SLC24A2: variants seen among roughly 807,000 people sequenced by gnomAD.
SLC24A2 encodes sodium/potassium/calcium exchanger 2.
In SLC24A2, 36 loss-of-function variants were observed where a neutral mutation model predicts 62.0. The ratio of observed to expected loss-of-function variants is 0.58; its 90% CI spans 0.44 to 0.77. The LOEUF is 0.77. Ranked by LOEUF, SLC24A2 falls within the 30% of genes least tolerant of loss-of-function variation. SLC24A2 has a pLI of 0.00. For missense variants in SLC24A2, 846 were observed against 817.9 expected, an observed-to-expected ratio of 1.03 and a Z score of -0.42; for synonymous variants, 358 against 294.0, an observed-to-expected ratio of 1.22 and a Z score of -2.23.
the SLC24A2 span, among the ~76,000 whole-genome samples, chr9:19,839,712 C>T: frequency 6.6e-6 from 1 of 152,130 alleles, no homozygotes; most frequent in Non-Finnish European, 1.5e-5. Context: ...CACAGCTGAA[C>T]TGTAGCAATA....
chr9:19,850,007 T>C, the SLC24A2 span, among the ~76,000 whole-genome samples: 1 of 144,330 alleles, frequency 6.9e-6, no homozygotes, highest in Non-Finnish European at 1.5e-5. Flanking sequence ...ATCTAAATCA[T>C]AAGAATAAAA....
intron 2 of SLC24A2, among the ~76,000 whole-genome samples, chr9:19,687,033 AAAC>A (rs1819903041): frequency 6.6e-6 from 1 of 152,138 alleles, no homozygotes; most frequent in Admixed American, 6.6e-5. Context: ...CGGGAACAGA[AAAC>A]CAAATACCAC....
the SLC24A2 span, among the ~76,000 whole-genome samples, chr9:19,954,041 G>C: frequency 6.6e-6 from 1 of 151,810 alleles, no homozygotes; most frequent in Admixed American, 6.6e-5. Flanking sequence ...GCACAGTTTG[G>C]GAACTATGGG....
chr9:19,649,702 G>A (rs1456664523), intron 2 of SLC24A2, among the ~76,000 whole-genome samples: 1 of 152,170 alleles, frequency 6.6e-6, no homozygotes, highest in Non-Finnish European at 1.5e-5. Context: ...ATTCCCAGTG[G>A]CATGTGGTTC....
At chr9:19,883,503 C>A in the SLC24A2 span, among the ~76,000 whole-genome samples, 1 of 151,878 alleles carries the variant, frequency 6.6e-6, no homozygotes, top group African/African-American at 2.4e-5. Context: ...ACCATGTGCA[C>A]TTGCTCAAGT....
At chr9:19,564,504 T>C (rs1438019950) in intron 7 of SLC24A2, among the ~76,000 whole-genome samples, 4 of 150,620 alleles carry the variant, frequency 2.7e-5, no homozygotes, top group African/African-American at 7.3e-5. Context: ...ATTCTCTGTC[T>C]TCAGTCATCT....
the SLC24A2 span, among the ~76,000 whole-genome samples, chr9:19,955,377 G>T: frequency 2.8e-5 from 4 of 143,428 alleles, no homozygotes; most frequent in South Asian, 2.2e-4. Flanking sequence ...AAATTCTCAG[G>T]TTTTTTTTTT....
rs1328124441 is a variant in SLC24A2 at position 19,508,110 on chromosome 9, T to C, written c.*8043A>G. Reference sequence around the variant, plus strand: ...GCTATTCTTAGCTTTGATGGCTTTTTAAGTATGTGGATTGCTTGATGGTGG... The same window carrying C: ...GCTATTCTTAGCTTTGATGGCTTTTCAAGTATGTGGATTGCTTGATGGTGG... On this transcript the variant is annotated 3_prime_UTR_variant, in exon 11 of 11. Transcript: ENST00000341998. 6.6e-6 allele frequency: 1 copy of C among 152,242 alleles called. No homozygotes were observed. Among genetic ancestry groups the C allele is most frequent in the East Asian group, 1.9e-4 (1 of 5,200 alleles). 9.4% of individuals were successfully genotyped at this position (152,242 alleles called of 1,614,324 possible). A position where few individuals can be genotyped will look rare whatever the true frequency, so the allele number is the denominator to read the frequency against.
chr9:19,923,824 T>G, the SLC24A2 span, among the ~76,000 whole-genome samples: 2 of 152,198 alleles, frequency 1.3e-5, no homozygotes, highest in African/African-American at 4.8e-5. Context: ...CTTGGCTCAT[T>G]GCAATCTCCG....
chr9:19,686,497 G>C (rs549313957), intron 2 of SLC24A2, among the ~76,000 whole-genome samples: 1 of 152,214 alleles, frequency 6.6e-6, no homozygotes, highest in East Asian at 1.9e-4. Context: ...ATCTCATCTT[G>C]AGTTGTAGTT....
chr9:19,844,610 G>T, the SLC24A2 span, among the ~76,000 whole-genome samples: 1 of 152,024 alleles, frequency 6.6e-6, no homozygotes, highest in East Asian at 1.9e-4. Flanking sequence ...TGTCTGGAAT[G>T]GTGTTTCTTA....
chr9:19,739,039 C>T (rs1198911436), intron 2 of SLC24A2, among the ~76,000 whole-genome samples: 3 of 152,152 alleles, frequency 2.0e-5, no homozygotes, highest in Non-Finnish European at 4.4e-5. Context: ...ATCACTTGAA[C>T]CAAGAAGGTG....
the SLC24A2 span, among the ~76,000 whole-genome samples, chr9:20,108,289 G>T: frequency 6.6e-6 from 1 of 152,078 alleles, no homozygotes; most frequent in African/African-American, 2.4e-5. Flanking sequence ...AGTCAGTGTG[G>T]CGATTCCTCA....
chr9:19,819,993 GTATATATATATATGTGTA>G, the SLC24A2 span, among the ~76,000 whole-genome samples: 13 of 123,864 alleles, frequency 1.0e-4, no homozygotes, highest in Non-Finnish European at 1.9e-4. Context: ...AGAAACTGCA[GTATATATATATATGTGTA>G]TATATATATA....
intron 8 of SLC24A2, among the ~76,000 whole-genome samples, chr9:19,543,971 G>C (rs1834416228): frequency 6.6e-6 from 1 of 152,142 alleles, no homozygotes; most frequent in South Asian, 2.1e-4. Context: ...CTGAGTTCAA[G>C]TCCTGGATAT....
At chr9:20,283,267 C>T in the SLC24A2 span, among the ~76,000 whole-genome samples, 44,689 of 152,126 alleles carry the variant, frequency 0.29, 6,703 homozygotes, top group South Asian at 0.42. Flanking sequence ...AACAAATGCT[C>T]TCTGGATCAC....
chr9:19,788,602 G>A (rs752562955), intron 1 of SLC24A2: 8 of 985,468 alleles, frequency 8.1e-6, no homozygotes, highest in Non-Finnish European at 9.6e-6. Flanking sequence ...TTTGTAGGTG[G>A]CTGGGGAATG....
intron 2 of SLC24A2, among the ~76,000 whole-genome samples, chr9:19,633,479 T>C (rs2118004951): frequency 6.6e-6 from 1 of 152,368 alleles, no homozygotes; most frequent in Non-Finnish European, 1.5e-5. Flanking sequence ...TATTTTGAAA[T>C]TTTATTCTTT....
chr9:20,289,702 T>C, the SLC24A2 span, among the ~76,000 whole-genome samples: 1 of 152,114 alleles, frequency 6.6e-6, no homozygotes, highest in Non-Finnish European at 1.5e-5. Flanking sequence ...TCCATGAACA[T>C]TTCCTGGATG....
Sources: gnomAD v4.1 joint callset for allele counts (sites outside exome capture counted in the v4.1 genomes callset) on GRCh38, gnomAD v4.1.1 for gene constraint, MANE v1.5 for transcripts, NCBI Gene and HGNC (gene_info 2026-07-23, HGNC 2026-07-21) for gene names.